RAI14: variants seen among roughly 807,000 people sequenced by gnomAD.
The protein encoded by RAI14 is ankycorbin.
Under a neutral mutation model 115.4 loss-of-function variants are expected in RAI14, and 45 were observed. That is an observed-to-expected ratio of 0.39 (90% CI 0.31 to 0.50). The LOEUF (loss-of-function observed/expected upper bound fraction) is 0.50, where lower values mean the gene tolerates loss of function less well. RAI14 is among the 20% of genes least tolerant of loss of function. RAI14 has a pLI of 0.85. For synonymous variants in RAI14, 371 were observed against 415.4 expected, an observed-to-expected ratio of 0.89 and a Z score of 1.30; for missense variants, 939 against 1,131.2, an observed-to-expected ratio of 0.83 and a Z score of 2.44.
chr5:34,671,971 T>C (rs1445438522), intron 1 of RAI14, among the ~76,000 whole-genome samples: 1 of 152,174 alleles, frequency 6.6e-6, no homozygotes, highest in Non-Finnish European at 1.5e-5. Context: ...CCTCAATAAA[T>C]GCATATTTGA....
chr5:34,688,070 A>G (rs1738072145), intron 2 of RAI14: 3 of 1,450,046 alleles, frequency 2.1e-6, no homozygotes, highest in African/African-American at 2.9e-5. Flanking sequence ...TCCTTTAGGT[A>G]AATTAAATAA....
chr5:34,826,415 A>G lies in RAI14; in HGVS notation c.2735A>G (p.Lys912Arg), dbSNP rs1158869827. The change falls in exon 16 of 18, where the codon AAA becomes AGA. Residue 912 changes from lysine (K) to arginine (R), a missense_variant. Lys to Arg is a conservative substitution (Grantham distance 26, BLOSUM62 2). Coordinates refer to ENST00000265109, the MANE Select transcript of RAI14 (RefSeq NM_015577.3). ...SQLSYSTSSS[K>R]RQSQQLEALQ... ...CTCTCCTACTCAACAAGCTCATCCA[A>G]AAGGCAGAGTCAGCAGCTGGAGGCG... 1.2e-6 allele frequency: 2 copies of G among 1,614,126 alleles called. No individual in the cohort carries two copies. The highest frequency in any genetic ancestry group is 1.7e-5 in the Admixed American group (1 of 60,028).
At chr5:34,794,277 A>G (rs1032320870) in intron 3 of RAI14, among the ~76,000 whole-genome samples, 1 of 151,856 alleles carries the variant, frequency 6.6e-6, no homozygotes, top group South Asian at 2.1e-4. Flanking sequence ...ACAAAAATCA[A>G]CTGGGTGTGG....
intron 1 of RAI14, among the ~76,000 whole-genome samples, chr5:34,657,968 C>T (rs1335023857): frequency 6.6e-6 from 1 of 152,130 alleles, no homozygotes; most frequent in Non-Finnish European, 1.5e-5. Flanking sequence ...TTTTTTCCCC[C>T]TTGGGTTTGT....
chr5:34,802,917 G>A (rs1419174780), intron 4 of RAI14, among the ~76,000 whole-genome samples: 2 of 152,140 alleles, frequency 1.3e-5, no homozygotes, highest in African/African-American at 4.8e-5. Context: ...TTCCATTCAG[G>A]GCTGGAGTAC....
intron 3 of RAI14, among the ~76,000 whole-genome samples, chr5:34,774,586 A>G (rs186398960): frequency 1.2e-3 from 179 of 152,306 alleles, no homozygotes; most frequent in African/African-American, 3.3e-3. Context: ...AATGAAAACT[A>G]TAAAACATTG....
At chr5:34,692,275 T>A (rs992201617) in intron 2 of RAI14, among the ~76,000 whole-genome samples, 63 of 130,924 alleles carry the variant, frequency 4.8e-4, no homozygotes, top group African/African-American at 1.6e-3. Context: ...AAAAAAAAAA[T>A]AATAATAAAA....
intron 3 of RAI14, among the ~76,000 whole-genome samples, chr5:34,782,159 G>A (rs1023059651): frequency 3.9e-5 from 6 of 152,224 alleles, no homozygotes; most frequent in East Asian, 1.9e-4. Context: ...AACCTTCAGC[G>A]TGGGTGTCAT....
At chr5:34,665,815 G>A (rs1372228641) in intron 1 of RAI14, among the ~76,000 whole-genome samples, 1 of 152,034 alleles carries the variant, frequency 6.6e-6, no homozygotes, top group Admixed American at 6.6e-5. Flanking sequence ...ATCATGTGCC[G>A]CTATTCCCCA....
At chr5:34,718,737 T>C (rs1332923915) in intron 2 of RAI14, among the ~76,000 whole-genome samples, 1 of 152,212 alleles carries the variant, frequency 6.6e-6, no homozygotes, top group African/African-American at 2.4e-5. Flanking sequence ...TACTAAACCT[T>C]GCTGTGCCCC....
intron 2 of RAI14, among the ~76,000 whole-genome samples, chr5:34,699,386 G>A (rs958876357): frequency 6.6e-6 from 1 of 152,202 alleles, no homozygotes; most frequent in Non-Finnish European, 1.5e-5. Context: ...CTGTGAGGAA[G>A]AATCAGCCGT....
rs568417241 is a variant in RAI14 at position 34,795,963 on chromosome 5, A to C, written c.192A>C (p.Gly64=). The change falls in exon 4 of 18, where the codon GGA becomes GGC. Residue 64 remains glycine (G), a synonymous_variant. Coordinates refer to ENST00000265109, the MANE Select transcript of RAI14 (RefSeq NM_015577.3). The part of the protein sequence containing the change: ...KTAFHLAAAK[G]HVECLRVMIT... ...GTTTCCATCTTGCTGCTGCAAAAGG[A>C]CACGTGGAATGCCTCAGGGTCATGA... 6.2e-7 allele frequency: 1 copy of C among 1,613,382 alleles called. No homozygotes were observed. Among genetic ancestry groups the C allele is most frequent in the African/African-American group, 1.3e-5 (1 of 74,996 alleles).
chr5:34,805,117 C>T (rs1303963753), intron 5 of RAI14, among the ~76,000 whole-genome samples: 2 of 152,210 alleles, frequency 1.3e-5, no homozygotes, highest in African/African-American at 4.8e-5. Flanking sequence ...TAGGCCAAAG[C>T]ATGGTAAGTC....
chr5:34,728,741 A>G (rs560930), intron 2 of RAI14: 3 of 151,716 alleles, frequency 2.0e-5, no homozygotes, highest in African/African-American at 7.3e-5. Flanking sequence ...ACAGACTAAT[A>G]CACCCTGTTT....
intron 1 of RAI14, among the ~76,000 whole-genome samples, chr5:34,683,884 C>T (rs1275735337): frequency 2.6e-5 from 4 of 152,286 alleles, no homozygotes; most frequent in Admixed American, 2.0e-4. Flanking sequence ...CCCGCCATCA[C>T]GCCCGGCTAA....
chr5:34,712,462 A>G (rs1363846293), intron 2 of RAI14, among the ~76,000 whole-genome samples: 2 of 152,180 alleles, frequency 1.3e-5, no homozygotes, highest in Non-Finnish European at 2.9e-5. Flanking sequence ...CACGTGCATG[A>G]AGGAAGGAAG....
chr5:34,813,130 C>G (rs566137540), intron 10 of RAI14, among the ~76,000 whole-genome samples: 1 of 152,216 alleles, frequency 6.6e-6, no homozygotes, highest in African/African-American at 2.4e-5. Context: ...AATTTATGTG[C>G]TAACTGTATT....
At chr5:34,669,698 T>C (rs1161766597) in intron 1 of RAI14, among the ~76,000 whole-genome samples, 2 of 152,214 alleles carry the variant, frequency 1.3e-5, no homozygotes, top group African/African-American at 4.8e-5. Context: ...TCCTGAAGAA[T>C]TGCAGTATTT....
chr5:34,732,441 T>TTC (rs1476228275), intron 2 of RAI14, among the ~76,000 whole-genome samples: 463 of 21,524 alleles, frequency 0.022, 3 homozygotes, highest in African/African-American at 0.094. Flanking sequence ...CATGCTTGAT[T>TTC]TTTTTTTTTT....
Sources: allele counts gnomAD v4.1 joint callset (sites outside exome capture counted in the v4.1 genomes callset), GRCh38; gene constraint gnomAD v4.1.1; transcripts MANE v1.5; gene names NCBI Gene and HGNC (gene_info 2026-07-23, HGNC 2026-07-21).